Variants in POLE observed in about 807,000 individuals in gnomAD.
The protein encoded by POLE is DNA polymerase epsilon, catalytic subunit.
POLE carries 188 observed loss-of-function variants against 279.2 expected under a neutral mutation model. That is an observed-to-expected ratio of 0.67 (90% CI 0.60 to 0.76). POLE has a LOEUF of 0.76. POLE is among the 30% of genes least tolerant of loss of function. POLE has a pLI of 0.00. For missense variants in POLE, 2,703 were observed against 3,016.7 expected, an observed-to-expected ratio of 0.90 and a Z score of 2.44; for synonymous variants, 1,214 against 1,172.5, an observed-to-expected ratio of 1.04 and a Z score of -0.72.
chr12:132,642,265 A>G lies in POLE; in HGVS notation c.5085T>C (p.Gly1695=), dbSNP rs755191548. 12 of 1,610,738 alleles carry G rather than the reference A, an allele frequency of 7.4e-6. No homozygotes were observed. In the African/African-American group the frequency reaches 1.5e-4, roughly 20 times the overall value. The change falls in exon 38 of 49, where the codon GGT becomes GGC. Residue 1695 remains glycine (G), a synonymous_variant. Transcript: ENST00000320574. ...WLSPTARPDL[G]GKEADDNCLV... is the part of the protein sequence containing the mutation. ...GACAGTTGTCATCAGCCTCCTTTCC[A>G]CCCAGGTCAGGGCGGGCTGTAGGGG...
chr12:132,646,807 G>A (rs1438870935), intron 32 of POLE, among the ~76,000 whole-genome samples: 7 of 152,058 alleles, frequency 4.6e-5, no homozygotes, highest in Non-Finnish European at 1.0e-4. Context: ...CTCCAGCCGG[G>A]CAACAGGAGA....
chr12:132,660,918 G>GCTTCATC, intron 25 of POLE, 51 bp downstream of exon 25: 1 of 1,461,658 alleles, frequency 6.8e-7, no homozygotes, highest in Non-Finnish European at 9.2e-7. Context: ...TCCCCTTCTT[G>GCTTCATC]CTTCATCCTT....
In POLE at chr12:132,642,557, C is replaced by T. The variant is rs760149463; in HGVS notation, c.4901G>A (p.Arg1634His). ...WQRHGARRMI[R>H]HYLNLDTCLS... ...GCAGGTGTCCAGGTTGAGGTAGTGA[C>T]GGATCATGCGCCGGGCTCCATGGCG... Residue 1634 changes from arginine (R) to histidine (H), a missense_variant, in exon 37 of 49, where the codon CGT becomes CAT. Arg to His is a conservative substitution (Grantham distance 29, BLOSUM62 0). Around this residue, in one of 5 missense-constraint regions of POLE, gnomAD observed 1,551 missense variants for 1,686.1 expected, o/e 0.92. Coordinates refer to ENST00000320574, the MANE Select transcript of POLE (RefSeq NM_006231.4). 87 of 1,613,476 alleles carry T rather than the reference C, an allele frequency of 5.4e-5. No homozygotes were observed. The highest frequency in any genetic ancestry group is 2.0e-4 in the African/African-American group (15 of 74,920).
At chr12:132,645,162 T>G (rs2042252189) in intron 32 of POLE, among the ~76,000 whole-genome samples, 1 of 57,854 alleles carries the variant, frequency 1.7e-5, no homozygotes. Context: ...GCTTCCTGTG[T>G]GGGGTCCTGG....
rs1239508295 is a variant in POLE, at chr12:132,634,329, T to A, written c.5861A>T (p.Asp1954Val). Residue 1954 changes from aspartate (D) to valine (V), a missense_variant, in exon 43 of 49, where the codon GAC becomes GTC. By Grantham distance (152) the Asp-to-Val change is radical. Coordinates refer to ENST00000320574, the MANE Select transcript of POLE (RefSeq NM_006231.4). The surrounding 1 kb of genome is among the most constrained non-coding windows in gnomAD (Gnocchi z 4.0). The part of the protein sequence containing the change: ...GGAEDEQENE[D>V]DEEERDGEEE... ...CTCCCCATCTCTTTCCTCCTCATCG[T>A]CCTCATTTTCCTGCTCATCCTCTGC... 4 of 1,614,148 alleles carry A rather than the reference T, an allele frequency of 2.5e-6. No homozygotes were observed. In the Admixed American group the frequency reaches 6.7e-5, roughly 27 times the overall value.
intron 28 of POLE, 33 bp downstream of exon 28, chr12:132,657,316 C>A (rs200807497): frequency 3.7e-6 from 6 of 1,613,910 alleles, no homozygotes; most frequent in Non-Finnish European, 5.1e-6. Context: ...CAGTTTTTAG[C>A]CCCACAGCCC....
rs140497516 is a variant in POLE, at chr12:132,628,587, G to C, written c.6331-2270C>G. Among the ~76,000 whole-genome samples the C allele has an allele frequency of 3.6e-3, 543 of 152,270 alleles. 4 individuals are homozygous for C. Among genetic ancestry groups the C allele is most frequent in the Admixed American group, 7.1e-3 (108 of 15,296 alleles). The stretch of plus-strand genomic sequence containing the variant: ...GAACCCAGGAGGCGGAGGTTGCAGC[G>C]AGCCAAGACCGCACCACTGTATTCC... On this transcript the variant is annotated intron_variant, in intron 45 of 48. Transcript: ENST00000320574.
chr12:132,656,206 G>A (rs191109684), intron 29 of POLE, among the ~76,000 whole-genome samples: 3 of 152,188 alleles, frequency 2.0e-5, no homozygotes, highest in East Asian at 3.9e-4. Context: ...AAGCTGCAGT[G>A]AGCCAAACCC....
Position 132,642,833 on chromosome 12 carries a change from A to G in POLE, c.4715T>C (p.Leu1572Pro), listed in dbSNP as rs2042181242. 6.2e-7 allele frequency: 1 copy of G among 1,614,040 alleles called. No individual in the cohort carries two copies. The highest frequency in any genetic ancestry group is 8.5e-7 in the Non-Finnish European group (1 of 1,179,982). ...AACCACTCTCACCTTGTAGGCGAGCAGGAATCGCTGGATGGCTCTGCAGAT... is the reference window on the plus strand; with the variant it reads ...AACCACTCTCACCTTGTAGGCGAGCGGGAATCGCTGGATGGCTCTGCAGAT... The part of the protein sequence containing the change: ...KTICRAIQRF[L>P]LAYKEERRGP... Residue 1572 changes from leucine to proline, a missense_variant, in exon 36 of 49, where the codon CTG (leucine) becomes CCG (proline). Transcript: ENST00000320574.
chr12:132,657,324 C>T (rs1431844630), intron 28 of POLE, 25 bp downstream of exon 28: 1 of 1,614,082 alleles, frequency 6.2e-7, no homozygotes, highest in Admixed American at 1.7e-5. Context: ...AGCCCCACAG[C>T]CCGTGCCACT....
At position 132,658,877 on chromosome 12, in the gene POLE, C is replaced by G. The variant is rs79289114; in HGVS notation, c.3275+418G>C. ...TTGTACTGGTCCTATTTGTATATAA[C>G]CACCAAAAAAAAAAAAAAAAAAAAA... On this transcript the variant is annotated intron_variant, in intron 26 of 48. Transcript: ENST00000320574. Among the ~76,000 whole-genome samples the G allele has an allele frequency of 7.4e-5, 4 of 54,054 alleles. No individual in the cohort carries two copies. The South Asian group carries it at 2.2e-3, about 30-fold the overall frequency. The allele number at this position is 54,054 out of a possible 152,430, so 35.5% of individuals were successfully genotyped here.
chr12:132,661,678 A>G lies in POLE; in HGVS notation c.2713T>C (p.Phe905Leu). The change falls in exon 24 of 49, where the codon TTC (phenylalanine) becomes CTC (leucine). Residue 905 changes from phenylalanine (F) to leucine (L), a missense_variant. This residue lies in a region of POLE where 101 missense variants were observed against 115.4 expected (regional missense o/e 0.87). Transcript: ENST00000320574. The surrounding 1 kb of genome is among the most constrained non-coding windows in gnomAD (Gnocchi z 4.1). ...AGCTCCTGGTACTGGTCATTGGTGAAGCCTTCCTGAGAAACAAGAGTGAAG... is the reference window on the plus strand; with the variant it reads ...AGCTCCTGGTACTGGTCATTGGTGAGGCCTTCCTGAGAAACAAGAGTGAAG... ...AMLNIMVKEG[F>L]TNDQYQELAE... 6.2e-7 allele frequency: 1 copy of G among 1,613,694 alleles called. No individual in the cohort carries two copies. Among genetic ancestry groups the G allele is most frequent in the Non-Finnish European group, 8.5e-7 (1 of 1,179,856 alleles).
At position 132,642,934 on chromosome 12, in the gene POLE, CAGG is replaced by C. The variant is rs1555222739; in HGVS notation, c.4611_4613del (p.Leu1538del). On this transcript the variant is annotated inframe_deletion, in exon 36 of 49. Transcript: ENST00000320574. The stretch of plus-strand genomic sequence containing the variant: ...GCAGGAGCTCAGGGCCCACCTTCTC[CAGG>C]AGGAGGCCGTGCTCTGCTGAGTACA... 2 of 1,612,210 alleles carry C rather than the reference CAGG, an allele frequency of 1.2e-6. No homozygotes were observed. The highest frequency in any genetic ancestry group is 1.7e-6 in the Non-Finnish European group (2 of 1,179,436).
intron 20 of POLE, among the ~76,000 whole-genome samples, chr12:132,667,033 T>C (rs1171055115): frequency 6.6e-6 from 1 of 152,182 alleles, no homozygotes; most frequent in East Asian, 1.9e-4. Flanking sequence ...CCCGTTGGTA[T>C]CAAAACAGAG....
At chr12:132,678,311 G>A (rs1015645816) in intron 6 of POLE, among the ~76,000 whole-genome samples, 12 of 151,550 alleles carry the variant, frequency 7.9e-5, no homozygotes, top group African/African-American at 2.4e-4. Flanking sequence ...GGTGGCTTAT[G>A]CCTCTAATCC....
chr12:132,687,118 T>A, intron 1 of POLE, 136 bp downstream of exon 1: 11 of 376,972 alleles, frequency 2.9e-5, no homozygotes, highest in Admixed American at 1.1e-4. Flanking sequence ...CGCGCCGCCC[T>A]ACCCCAGTCA....
chr12:132,647,175 G>A lies in POLE; in HGVS notation c.4149+1754C>T, dbSNP rs144328508. 4.0e-4 allele frequency among the ~76,000 whole-genome samples: 61 copies of A among 152,130 alleles called. 1 individual carries two copies. The highest frequency in any genetic ancestry group is 6.0e-4 in the Non-Finnish European group (41 of 68,022). On this transcript the variant is annotated intron_variant, in intron 32 of 48. Coordinates refer to ENST00000320574, the MANE Select transcript of POLE (RefSeq NM_006231.4). Reference sequence around the variant, plus strand: ...TGTGTGTTGGGCGGGATTTGGCTACGGTTGATGTTAAAACATTAAACACTG... The same window carrying A: ...TGTGTGTTGGGCGGGATTTGGCTACAGTTGATGTTAAAACATTAAACACTG...
chr12:132,638,008 C>T lies in POLE; in HGVS notation c.5678+6G>A, dbSNP rs551185075. 3 of 1,613,278 alleles carry T rather than the reference C, an allele frequency of 1.9e-6. No individual in the cohort carries two copies. Among genetic ancestry groups the T allele is most frequent in the Non-Finnish European group, 2.5e-6 (3 of 1,179,452 alleles). ...GTGCTGCGTCACCAGGACCAGCCAG[C>T]CGCACCTGCTGGTGATGTACTCCAC... is the stretch of plus-strand genomic sequence containing the variant. On this transcript the variant is annotated splice_donor_region_variant and intron_variant, in intron 41 of 48. Transcript: ENST00000320574.
intron 6 of POLE, among the ~76,000 whole-genome samples, chr12:132,678,738 T>C (rs1409150943): frequency 6.6e-6 from 1 of 152,232 alleles, no homozygotes; most frequent in Non-Finnish European, 1.5e-5. Flanking sequence ...CATGGGTCTC[T>C]GCCATGTCTA....
Sources: allele counts gnomAD v4.1 joint callset (sites outside exome capture counted in the v4.1 genomes callset), GRCh38; gene constraint gnomAD v4.1.1; regional missense constraint gnomAD v4.1.1; non-coding constraint Gnocchi (gnomAD v3.1); transcripts MANE v1.5; gene names NCBI Gene and HGNC (gene_info 2026-07-23, HGNC 2026-07-21).